The following TANK variants were observed in gnomAD, a reference collection of about 807,000 sequenced individuals.
TANK encodes TRAF family member associated NFKB activator, also known as TRAF family member-associated NF-kappa-B activator.
In TANK, 15 loss-of-function variants were observed where a neutral mutation model predicts 43.6. That is an observed-to-expected ratio of 0.34 (90% confidence interval 0.23 to 0.53). The LOEUF is 0.53. Ranked by LOEUF, TANK falls within the 20% of genes least tolerant of loss-of-function variation. The probability of loss-of-function intolerance (pLI) is 0.94; values close to 1 mark genes in which losing one functional copy is unlikely to be tolerated. For synonymous variants in TANK, 162 were observed against 178.2 expected, an observed-to-expected ratio of 0.91 and a Z score of 0.73; for missense variants, 417 against 498.6, an observed-to-expected ratio of 0.84 and a Z score of 1.56.
Position 161,200,317 on chromosome 2 carries a change from C to T in TANK, c.100-3170C>T, listed in dbSNP as rs920699646. ...TTTGTAATTGTATTTTAAAAAAATA[C>T]TATGACTGTGCAACAATAATCTGAC... On this transcript the variant is annotated intron_variant, in intron 2 of 7. Transcript: ENST00000392749. 6 of 980,468 alleles carry T rather than the reference C, an allele frequency of 6.1e-6. No homozygotes were observed. The African/African-American group carries it at 7.0e-5, about 11-fold the overall frequency. 60.7% of individuals were successfully genotyped at this position (980,468 alleles called of 1,614,324 possible).
intron 6 of TANK, among the ~76,000 whole-genome samples, chr2:161,225,002 G>C (rs1382863653): frequency 1.3e-5 from 2 of 151,938 alleles, no homozygotes; most frequent in Non-Finnish European, 2.9e-5. Context: ...TTATCTTAAT[G>C]AGACATCCCA....
chr2:161,148,148 A>C (rs1178169150), intron 1 of TANK, among the ~76,000 whole-genome samples: 1 of 152,192 alleles, frequency 6.6e-6, no homozygotes, highest in African/African-American at 2.4e-5. Context: ...CCAGCACTAT[A>C]TAAGGCTTCC....
chr2:161,137,250 G>A (rs907476072), intron 1 of TANK: 9 of 985,010 alleles, frequency 9.1e-6, no homozygotes, highest in Admixed American at 1.2e-4. Flanking sequence ...ATGGCTGGAC[G>A]TGGTGGGTCA....
chr2:161,140,047 T>C lies in TANK; in HGVS notation c.-50+2984T>C, dbSNP rs547646297. 10 of 512,560 alleles carry C rather than the reference T, an allele frequency of 2.0e-5. No individual in the cohort carries two copies. The South Asian group carries it at 8.6e-4, about 44-fold the overall frequency. 31.8% of individuals were successfully genotyped at this position (512,560 alleles called of 1,614,324 possible). On this transcript the variant is annotated intron_variant, in intron 1 of 7. Transcript: ENST00000259075. ...GTATTTTTGTTTTTATATTCATAAG[T>C]CTGTAAAAATTAGTCTATATTTTTA...
intron 2 of TANK, among the ~76,000 whole-genome samples, chr2:161,184,647 C>G (rs963038759): frequency 6.6e-6 from 1 of 152,118 alleles, no homozygotes; most frequent in African/African-American, 2.4e-5. Flanking sequence ...TGCCTGAATG[C>G]AGGCCACATC....
chr2:161,220,727 T>A (rs1229195743), intron 4 of TANK, among the ~76,000 whole-genome samples: 1 of 152,250 alleles, frequency 6.6e-6, no homozygotes, highest in Non-Finnish European at 1.5e-5. Flanking sequence ...TTTCCAATTT[T>A]TTATAAAAGG....
chr2:161,148,543 T>G (rs1683980724), intron 1 of TANK, among the ~76,000 whole-genome samples: 1 of 152,186 alleles, frequency 6.6e-6, no homozygotes, highest in Non-Finnish European at 1.5e-5. Flanking sequence ...CAAATTGGTT[T>G]GTTTTCTTGT....
upstream of TANK, chr2:161,159,985 T>C (rs1684332386): frequency 6.4e-6 from 1 of 157,180 alleles, no homozygotes; most frequent in African/African-American, 2.4e-5. Context: ...CTGTTGAAAA[T>C]GCAGGTTCCT....
chr2:161,195,333 C>T (rs970120583), intron 2 of TANK, among the ~76,000 whole-genome samples: 2 of 152,138 alleles, frequency 1.3e-5, no homozygotes, highest in African/African-American at 2.4e-5. Context: ...TAGCTTGAAA[C>T]TCTGATCAAA....
chr2:161,155,559 T>C (rs1209630513), upstream of TANK, among the ~76,000 whole-genome samples: 3 of 152,226 alleles, frequency 2.0e-5, no homozygotes, highest in East Asian at 1.9e-4. Flanking sequence ...AAATGATAAC[T>C]TGAGTAGGCA....
intron 1 of TANK, among the ~76,000 whole-genome samples, chr2:161,172,291 G>A (rs1219232399): frequency 1.3e-5 from 2 of 151,210 alleles, no homozygotes; most frequent in East Asian, 3.9e-4. Flanking sequence ...GTGCTATAAG[G>A]TGGTACAATA....
chr2:161,207,403 A>C, intron 4 of TANK: 1 of 976,278 alleles, frequency 1.0e-6, no homozygotes, highest in Non-Finnish European at 1.2e-6. Context: ...TGAATAGTTC[A>C]TCAACTCAAT....
At position 161,148,486 on chromosome 2, in the gene TANK, G is replaced by A. The variant is rs916339679; in HGVS notation, c.-50+11423G>A. ...TCCTTTTCTATAGACTGTCTTTTCA[G>A]TGTCTTGACATCTTTCAATGTTTAA... On this transcript the variant is annotated intron_variant, in intron 1 of 7. Transcript: ENST00000259075. Among the ~76,000 whole-genome samples the A allele has an allele frequency of 2.0e-5, 3 of 152,072 alleles. No homozygotes were observed. In the East Asian group the frequency reaches 5.8e-4, roughly 29 times the overall value.
At chr2:161,174,888 A>G (rs1486180771) in intron 1 of TANK, among the ~76,000 whole-genome samples, 1 of 152,174 alleles carries the variant, frequency 6.6e-6, no homozygotes, top group East Asian at 1.9e-4. Flanking sequence ...AAGAATTGAT[A>G]TTATTTAATA....
At chr2:161,163,768 A>G (rs974388524) in intron 1 of TANK, among the ~76,000 whole-genome samples, 2 of 152,244 alleles carry the variant, frequency 1.3e-5, no homozygotes, top group African/African-American at 4.8e-5. Context: ...TTTAACATGA[A>G]GTGAAAATCA....
At chr2:161,180,359 T>C (rs1013365744) in intron 2 of TANK, among the ~76,000 whole-genome samples, 3 of 152,172 alleles carry the variant, frequency 2.0e-5, no homozygotes, top group African/African-American at 7.2e-5. Flanking sequence ...GAAAGGCATA[T>C]CCAGGCAAAA....
At chr2:161,198,064 A>G (rs183395318) in intron 2 of TANK, among the ~76,000 whole-genome samples, 2 of 152,324 alleles carry the variant, frequency 1.3e-5, no homozygotes, top group African/African-American at 4.8e-5. Context: ...CGGAGATGAG[A>G]CTCAAAGTAC....
chr2:161,194,724 A>G (rs1259372899), intron 2 of TANK, among the ~76,000 whole-genome samples: 14 of 152,210 alleles, frequency 9.2e-5, no homozygotes, highest in Non-Finnish European at 1.6e-4. Context: ...AAAAGCTTGT[A>G]AAACATATTT....
At chr2:161,202,182 CTTTT>C (rs35913723) in intron 2 of TANK, among the ~76,000 whole-genome samples, 1 of 78,132 alleles carries the variant, frequency 1.3e-5, no homozygotes, top group Non-Finnish European at 2.4e-5. Context: ...GCTCTAATTT[CTTTT>C]TTTTTTTTTT....
Sources: gnomAD v4.1 joint callset for allele counts (sites outside exome capture counted in the v4.1 genomes callset) on GRCh38, gnomAD v4.1.1 for gene constraint, MANE v1.5 for transcripts, NCBI Gene and HGNC (gene_info 2026-07-23, HGNC 2026-07-21) for gene names.